Variants in SLC43A2 observed in about 807,000 individuals in gnomAD.
SLC43A2 encodes the protein solute carrier family 43 member 2, also known as large neutral amino acids transporter small subunit 4.
A neutral mutation model predicts 63.2 loss-of-function variants in SLC43A2; 38 were observed. That is an observed-to-expected ratio of 0.60 (90% CI 0.46 to 0.79). The LOEUF (loss-of-function observed/expected upper bound fraction) is 0.79, where lower values mean the gene tolerates loss of function less well. Ranked by LOEUF, SLC43A2 falls within the 30% of genes least tolerant of loss-of-function variation. The pLI is 0.00. For synonymous variants in SLC43A2, 322 were observed against 331.0 expected (o/e 0.97, Z 0.30); for missense variants, 644 against 756.2 (o/e 0.85, Z 1.74).
chr17:1,591,724 T>TCGGGGGG, intron 6 of SLC43A2, 25 bp from the exon 7 acceptor site: 1 of 218,410 alleles, frequency 4.6e-6, no homozygotes. Context: ...GGGGACGGGG[T>TCGGGGGG]GGGGGGGGGA....
At position 1,591,912 on chromosome 17, in the gene SLC43A2, T is replaced by C. The variant is rs146725762; in HGVS notation, c.595-213A>G. ...GCCTGCCCTGCTGGTCATCTGGGCC[T>C]GGCGTGTGATTAGCCCCCCGACTCG... On this transcript the variant is annotated intron_variant, in intron 6 of 13. Transcript: ENST00000301335. Among the ~76,000 whole-genome samples the C allele has an allele frequency of 4.0e-3, 608 of 152,290 alleles. 2 individuals carry two copies. The highest frequency in any genetic ancestry group is 6.1e-3 in the Non-Finnish European group (414 of 68,014).
Position 1,578,120 on chromosome 17 carries a change from C to A in SLC43A2, c.1424+130G>T. On this transcript the variant is annotated intron_variant, in intron 12 of 13. Transcript: ENST00000301335. This position sits in a 1 kb window ranked among gnomAD's most constrained non-coding sequence, Gnocchi z 6.5. ...CCAGCAGAAACCCTGGTACCTGTCC[C>A]CTGAAGCAGGAAGATGAGCCCTTCT... is the stretch of plus-strand genomic sequence containing the variant. 1.2e-6 allele frequency: 1 copy of A among 867,420 alleles called. No individual in the cohort carries two copies. Among genetic ancestry groups the A allele is most frequent in the Non-Finnish European group, 1.8e-6 (1 of 558,626 alleles). The allele number at this position is 867,420 out of a possible 1,614,324, so 53.7% of individuals were successfully genotyped here. A position where few individuals can be genotyped will look rare whatever the true frequency, so the allele number is the denominator to read the frequency against.
intron 5 of SLC43A2, among the ~76,000 whole-genome samples, chr17:1,594,651 T>TG (rs1905116764): frequency 4.1e-4 from 56 of 136,200 alleles, no homozygotes; most frequent in Admixed American, 3.8e-3. Flanking sequence ...GCAGTGGCTC[T>TG]ATCTCGGCTC....
chr17:1,600,549 CTTTT>C (rs398030152), intron 5 of SLC43A2, among the ~76,000 whole-genome samples: 5 of 73,748 alleles, frequency 6.8e-5, no homozygotes, highest in Admixed American at 4.1e-4. Context: ...TTTCTTTCCT[CTTTT>C]TTTTTTTTTT....
intron 5 of SLC43A2, among the ~76,000 whole-genome samples, chr17:1,595,147 G>A (rs1201299216): frequency 1.3e-5 from 2 of 152,086 alleles, no homozygotes; most frequent in Admixed American, 6.5e-5. Context: ...CGGATGTGGT[G>A]GCAGGCGCCT....
At chr17:1,584,181 C>T (rs955533648) in intron 10 of SLC43A2, among the ~76,000 whole-genome samples, 1 of 152,114 alleles carries the variant, frequency 6.6e-6, no homozygotes, top group Non-Finnish European at 1.5e-5. Flanking sequence ...GTGTGAGCCA[C>T]CGCGCCCGGC....
In SLC43A2 at chr17:1,605,212, T is replaced by C; in HGVS notation, c.501+7983A>G. On this transcript the variant is annotated intron_variant, in intron 5 of 13. Transcript: ENST00000301335. The surrounding 1 kb of genome is among the most constrained non-coding windows in gnomAD (Gnocchi z 4.9). ...ACTCACTGCCTCCACGCAGCCTCAGTCACACAGGGAAGCCCGTGACTCTCT... is the reference window on the plus strand; with the variant it reads ...ACTCACTGCCTCCACGCAGCCTCAGCCACACAGGGAAGCCCGTGACTCTCT... 8.9e-7 allele frequency: 1 copy of C among 1,122,292 alleles called. No individual in the cohort carries two copies. Among genetic ancestry groups the C allele is most frequent in the Non-Finnish European group, 1.1e-6 (1 of 911,088 alleles). The allele number at this position is 1,122,292 out of a possible 1,614,324, so 69.5% of individuals were successfully genotyped here.
intron 13 of SLC43A2, 112 bp from the exon 14 acceptor site, chr17:1,575,877 A>G: frequency 4.0e-6 from 5 of 1,245,946 alleles, no homozygotes; most frequent in Non-Finnish European, 5.4e-6. Flanking sequence ...TGGAAGGGGG[A>G]ACGAAACAGG....
chr17:1,617,244 A>T (rs942684085), intron 2 of SLC43A2, among the ~76,000 whole-genome samples: 2 of 152,106 alleles, frequency 1.3e-5, no homozygotes, highest in African/African-American at 2.4e-5. Flanking sequence ...CAGAACCCAG[A>T]CCACTTGGGA....
chr17:1,622,334 C>T (rs187523167), intron 2 of SLC43A2, among the ~76,000 whole-genome samples: 4 of 152,010 alleles, frequency 2.6e-5, no homozygotes, highest in African/African-American at 9.7e-5. Context: ...GAGGCCGAGG[C>T]GGGTGGATCA....
chr17:1,574,940 C>A lies in SLC43A2; in HGVS notation c.*664G>T, dbSNP rs77791839. 0.039 allele frequency: 5,969 copies of A among 153,464 alleles called. 134 individuals carry two copies. The highest frequency in any genetic ancestry group is 0.059 in the South Asian group (302 of 5,138). The allele number at this position is 153,464 out of a possible 1,614,324, so 9.5% of individuals were successfully genotyped here. A position where few individuals can be genotyped will look rare whatever the true frequency, so the allele number is the denominator to read the frequency against. On this transcript the variant is annotated 3_prime_UTR_variant, in exon 14 of 14. Transcript: ENST00000301335. ...GAGGGTGACAGTGAAAACGTGTCCG[C>A]GGCATTGGCCCTCGGGGAGGAGGCG...
chr17:1,583,616 G>A lies in SLC43A2; in HGVS notation c.1218-280C>T, dbSNP rs1210731548. ...TCTGTGAAGGCTGAGCTAAGACGAC[G>A]GGGAGAGAAGTAGCAGCGTGTGCCT... On this transcript the variant is annotated intron_variant, in intron 10 of 13. Transcript: ENST00000301335. This position sits in a 1 kb window ranked among gnomAD's most constrained non-coding sequence, Gnocchi z 5.5. 1.9e-5 allele frequency: 7 copies of A among 367,662 alleles called. No individual in the cohort carries two copies. Among genetic ancestry groups the A allele is most frequent in the East Asian group, 1.7e-4 (4 of 22,900 alleles). 22.8% of individuals were successfully genotyped at this position (367,662 alleles called of 1,614,324 possible).
At chr17:1,600,534 T>A (rs1183339676) in intron 5 of SLC43A2, among the ~76,000 whole-genome samples, 4 of 142,220 alleles carry the variant, frequency 2.8e-5, no homozygotes, top group Non-Finnish European at 6.0e-5. Flanking sequence ...CATAAGAGAT[T>A]TTTTTTTCTT....
chr17:1,625,355 A>G (rs1160803056), intron 2 of SLC43A2, among the ~76,000 whole-genome samples: 1 of 152,214 alleles, frequency 6.6e-6, no homozygotes, highest in Non-Finnish European at 1.5e-5. Context: ...ACCTTTCAAC[A>G]GGTTCAGGCA....
chr17:1,600,020 G>A (rs1905772876), intron 5 of SLC43A2, among the ~76,000 whole-genome samples: 1 of 145,530 alleles, frequency 6.9e-6, no homozygotes, highest in African/African-American at 2.5e-5. Context: ...CTCCAGCCTG[G>A]GTGACAGAGC....
intron 11 of SLC43A2, among the ~76,000 whole-genome samples, chr17:1,580,431 C>T (rs1250079156): frequency 6.6e-6 from 1 of 152,232 alleles, no homozygotes; most frequent in Non-Finnish European, 1.5e-5. Flanking sequence ...GCTGCCTTTG[C>T]CCACCTCGGA....
intron 2 of SLC43A2, among the ~76,000 whole-genome samples, chr17:1,621,745 CAGA>C (rs1327505932): frequency 2.6e-5 from 4 of 152,212 alleles, no homozygotes; most frequent in African/African-American, 9.7e-5. Flanking sequence ...AAGTCACTTG[CAGA>C]AGGTCTCATG....
intron 10 of SLC43A2, among the ~76,000 whole-genome samples, chr17:1,584,745 G>A (rs1466978073): frequency 4.6e-5 from 7 of 151,954 alleles, no homozygotes; most frequent in South Asian, 4.1e-4. Context: ...GTGTGAACCC[G>A]GGAGGCGGAG....
intron 5 of SLC43A2, among the ~76,000 whole-genome samples, chr17:1,600,152 A>ATAT (rs1216616243): frequency 1.0e-4 from 6 of 60,280 alleles, no homozygotes; most frequent in Admixed American, 3.3e-4. Flanking sequence ...ATATATATAT[A>ATAT]TTTTTTTTTT....
Sources: gnomAD v4.1 joint callset for allele counts (sites outside exome capture counted in the v4.1 genomes callset) on GRCh38, gnomAD v4.1.1 for gene constraint, Gnocchi (gnomAD v3.1) non-coding constraint, MANE v1.5 for transcripts, NCBI Gene and HGNC (gene_info 2026-07-23, HGNC 2026-07-21) for gene names.